SH2D4B: variants seen among roughly 807,000 people sequenced by gnomAD.
SH2D4B encodes SH2 domain containing 4B.
In SH2D4B, 45 loss-of-function variants were observed where a neutral mutation model predicts 61.5. The ratio of observed to expected loss-of-function variants is 0.73; its 90% CI spans 0.58 to 0.94. The LOEUF (loss-of-function observed/expected upper bound fraction) is 0.94. SH2D4B is among the 40% of genes least tolerant of loss of function. SH2D4B has a pLI of 0.00. For synonymous variants in SH2D4B, 224 were observed against 220.4 expected (o/e 1.02, Z -0.14); for missense variants, 572 against 574.2 (o/e 1.00, Z 0.04).
At chr10:80,541,725 C>G (rs984408628) in intron 1 of SH2D4B, among the ~76,000 whole-genome samples, 7 of 152,298 alleles carry the variant, frequency 4.6e-5, no homozygotes, top group Admixed American at 3.3e-4. Flanking sequence ...CCTCACAGCC[C>G]CGGAGTTGTG....
intron 6 of SH2D4B, among the ~76,000 whole-genome samples, chr10:80,623,075 T>C (rs10458743): frequency 0.11 from 16,885 of 152,194 alleles, 1,331 homozygotes; most frequent in African/African-American, 0.22. Flanking sequence ...CCACCACACC[T>C]GGCTAATTTT....
chr10:80,552,426 T>A (rs1424471818), intron 1 of SH2D4B, among the ~76,000 whole-genome samples: 2 of 152,192 alleles, frequency 1.3e-5, no homozygotes, highest in Non-Finnish European at 2.9e-5. Context: ...TGCCCTAGCT[T>A]CCTGTCTCTC....
At chr10:80,594,338 A>G (rs552467061) in intron 4 of SH2D4B, among the ~76,000 whole-genome samples, 205 of 152,318 alleles carry the variant, frequency 1.3e-3, no homozygotes, top group African/African-American at 4.8e-3. Context: ...GATAAATCCC[A>G]CTTCTTTATA....
chr10:80,565,335 C>G (rs944854177), intron 1 of SH2D4B, among the ~76,000 whole-genome samples: 1 of 151,148 alleles, frequency 6.6e-6, no homozygotes, highest in African/African-American at 2.4e-5. Context: ...CCCTTCCCAG[C>G]CTCTGGTAAC....
chr10:80,646,026 T>C lies in SH2D4B; in HGVS notation c.*1941T>C, dbSNP rs948407284. On this transcript the variant is annotated 3_prime_UTR_variant, in exon 8 of 8. Coordinates refer to ENST00000646907, the MANE Select transcript of SH2D4B (RefSeq NM_001388272.1). ...TACCAACTATGTGACTTTGTCCAAGTCATTTAACTTCAGTAAACCTCGGTA... is the reference window on the plus strand; with the variant it reads ...TACCAACTATGTGACTTTGTCCAAGCCATTTAACTTCAGTAAACCTCGGTA... 6.6e-6 allele frequency: 1 copy of C among 152,580 alleles called. No individual in the cohort carries two copies. Among genetic ancestry groups the C allele is most frequent in the Non-Finnish European group, 1.5e-5 (1 of 68,048 alleles). 9.5% of individuals were successfully genotyped at this position (152,580 alleles called of 1,614,324 possible).
At chr10:80,548,671 G>A (rs1473409748) in intron 1 of SH2D4B, among the ~76,000 whole-genome samples, 1 of 152,214 alleles carries the variant, frequency 6.6e-6, no homozygotes, top group Non-Finnish European at 1.5e-5. Context: ...CTGCCACCAT[G>A]CAGGTACCTA....
chr10:80,543,152 C>T (rs1358779424), intron 1 of SH2D4B, among the ~76,000 whole-genome samples: 7 of 152,202 alleles, frequency 4.6e-5, no homozygotes, highest in African/African-American at 1.4e-4. Flanking sequence ...GCCTGGGCTC[C>T]CTCCCACTTT....
intron 6 of SH2D4B, among the ~76,000 whole-genome samples, chr10:80,618,174 T>G (rs1273481706): frequency 6.6e-6 from 1 of 152,232 alleles, no homozygotes; most frequent in Non-Finnish European, 1.5e-5. Context: ...TAACCTGGCT[T>G]CTGCTCTAGC....
At chr10:80,562,887 A>ATTTTTT (rs1223682186) in intron 1 of SH2D4B, among the ~76,000 whole-genome samples, 1 of 122,146 alleles carries the variant, frequency 8.2e-6, no homozygotes, top group Non-Finnish European at 1.7e-5. Context: ...GATGCTGAAC[A>ATTTTTT]TTTTTTCTTT....
intron 3 of SH2D4B, among the ~76,000 whole-genome samples, chr10:80,582,021 A>C (rs1842190370): frequency 6.6e-6 from 1 of 152,176 alleles, no homozygotes. Context: ...TCAATGATTA[A>C]TTTTTTAATG....
Position 80,545,619 on chromosome 10 carries a change from G to A in SH2D4B, c.184+7104G>A, listed in dbSNP as rs114363781. ...GTCCATCTCTTCCATTAGCCTAAAAGTGCCATGAGTCCATGGATGTTGCTT... is the reference window on the plus strand; with the variant it reads ...GTCCATCTCTTCCATTAGCCTAAAAATGCCATGAGTCCATGGATGTTGCTT... On this transcript the variant is annotated intron_variant, in intron 1 of 7. Transcript: ENST00000646907. Among the ~76,000 whole-genome samples the A allele has an allele frequency of 8.9e-3, 1,329 of 149,572 alleles. 16 individuals carry two copies. Among genetic ancestry groups the A allele is most frequent in the African/African-American group, 0.032 (1,252 of 39,080 alleles).
At chr10:80,643,950 C>T in intron 7 of SH2D4B, 43 bp from the exon 8 acceptor site, 1 of 1,503,090 alleles carries the variant, frequency 6.7e-7, no homozygotes. Flanking sequence ...GTGTATTTCC[C>T]TGTCTTGATT....
chr10:80,558,860 T>C (rs190001769), intron 1 of SH2D4B, among the ~76,000 whole-genome samples: 18 of 152,342 alleles, frequency 1.2e-4, no homozygotes, highest in South Asian at 8.3e-4. Context: ...TTCATAGATA[T>C]GTGCAACCAT....
At chr10:80,559,928 A>T (rs188596085) in intron 1 of SH2D4B, among the ~76,000 whole-genome samples, 1 of 151,668 alleles carries the variant, frequency 6.6e-6, no homozygotes, top group African/African-American at 2.4e-5. Flanking sequence ...AAAGAGCTGT[A>T]ACTATGTTGT....
At chr10:80,582,638 T>C (rs74143186) in intron 3 of SH2D4B, among the ~76,000 whole-genome samples, 1 of 152,288 alleles carries the variant, frequency 6.6e-6, no homozygotes, top group African/African-American at 2.4e-5. Flanking sequence ...ATGTAGAACC[T>C]ATTCTGGGCC....
intron 6 of SH2D4B, among the ~76,000 whole-genome samples, chr10:80,611,752 C>T (rs903566685): frequency 8.6e-5 from 13 of 151,838 alleles, no homozygotes; most frequent in Non-Finnish European, 1.6e-4. Flanking sequence ...GACCAAGGTG[C>T]TCAAATTATT....
intron 4 of SH2D4B, among the ~76,000 whole-genome samples, chr10:80,596,400 C>T (rs930835801): frequency 6.6e-6 from 1 of 152,224 alleles, no homozygotes; most frequent in Non-Finnish European, 1.5e-5. Context: ...AGCCTCATAG[C>T]AGAGCATTGG....
At chr10:80,593,341 T>C (rs930162894) in intron 4 of SH2D4B, among the ~76,000 whole-genome samples, 6 of 152,264 alleles carry the variant, frequency 3.9e-5, no homozygotes, top group African/African-American at 1.4e-4. Flanking sequence ...ACAGAATGTC[T>C]TTCCATTTAT....
chr10:80,588,488 T>A lies in SH2D4B; in HGVS notation c.496-142T>A. ...TATGGGAGTACTGGGTAATTTCAAT[T>A]TCATACATGTAGGGACTGAGGCTGG... On this transcript the variant is annotated intron_variant, in intron 3 of 7. Transcript: ENST00000646907. 2.8e-6 allele frequency: 3 copies of A among 1,061,010 alleles called. No individual in the cohort carries two copies. The South Asian group carries it at 5.1e-5, about 18-fold the overall frequency. The allele number at this position is 1,061,010 out of a possible 1,614,324, so 65.7% of individuals were successfully genotyped here.
Sources: allele counts gnomAD v4.1 joint callset (sites outside exome capture counted in the v4.1 genomes callset), GRCh38; gene constraint gnomAD v4.1.1; transcripts MANE v1.5; gene names NCBI Gene and HGNC (gene_info 2026-07-23, HGNC 2026-07-21).